ZNF804B: variants seen among roughly 807,000 people sequenced by gnomAD.
The protein encoded by ZNF804B is zinc finger protein 804B.
Under a neutral mutation model 101.4 loss-of-function variants are expected in ZNF804B, and 80 were observed. The observed-to-expected ratio is 0.79, with a 90% CI of 0.66 to 0.95. ZNF804B has a LOEUF of 0.95. Ranked by LOEUF, ZNF804B falls within the 40% of genes least tolerant of loss-of-function variation. The pLI, the probability that ZNF804B is intolerant of heterozygous loss-of-function variation, is 0.00. For synonymous variants in ZNF804B, 622 were observed against 558.8 expected (o/e 1.11, Z -1.59); for missense variants, 1,673 against 1,561.9 (o/e 1.07, Z -1.20).
chr7:89,055,248 T>TTGGAAAGTGAAGACAAGAATGG (rs929837588), intron 1 of ZNF804B, among the ~76,000 whole-genome samples: 1 of 151,992 alleles, frequency 6.6e-6, no homozygotes, highest in Non-Finnish European at 1.5e-5. Flanking sequence ...TGACTGGAAC[T>TTGGAAAGTGAAGACAAGAATGG]TGGAAAGTGA....
chr7:89,179,880 A>G (rs866915356), intron 1 of ZNF804B, among the ~76,000 whole-genome samples: 2 of 152,200 alleles, frequency 1.3e-5, no homozygotes, highest in Non-Finnish European at 2.9e-5. Context: ...AAGCCCAGTA[A>G]CACTGTGACT....
intron 2 of ZNF804B, among the ~76,000 whole-genome samples, chr7:89,312,479 T>G (rs1052725435): frequency 1.3e-4 from 20 of 152,126 alleles, no homozygotes; most frequent in African/African-American, 4.8e-4. Flanking sequence ...CACACCAGAG[T>G]AATTTCTTCT....
chr7:88,817,458 G>A (rs1207574980), intron 1 of ZNF804B, among the ~76,000 whole-genome samples: 1 of 152,094 alleles, frequency 6.6e-6, no homozygotes, highest in Admixed American at 6.6e-5. Flanking sequence ...CAACCTAATG[G>A]CTCTATGGTG....
At chr7:88,829,953 C>T (rs1450582929) in intron 1 of ZNF804B, among the ~76,000 whole-genome samples, 1 of 152,042 alleles carries the variant, frequency 6.6e-6, no homozygotes, top group East Asian at 1.9e-4. Context: ...CATTTCTAAA[C>T]CATTTATTTC....
At chr7:89,179,428 T>C (rs1788262589) in intron 1 of ZNF804B, among the ~76,000 whole-genome samples, 1 of 152,202 alleles carries the variant, frequency 6.6e-6, no homozygotes, top group Admixed American at 6.5e-5. Context: ...ATTGAGAGAC[T>C]CTGATGCATT....
At chr7:89,296,749 A>G (rs1373437070) in intron 2 of ZNF804B, among the ~76,000 whole-genome samples, 2 of 152,056 alleles carry the variant, frequency 1.3e-5, no homozygotes, top group Non-Finnish European at 2.9e-5. Flanking sequence ...TAAATTTTTA[A>G]AAAGAGCCAG....
chr7:89,124,853 T>C (rs1181445311), intron 1 of ZNF804B, among the ~76,000 whole-genome samples: 3 of 152,028 alleles, frequency 2.0e-5, no homozygotes, highest in Non-Finnish European at 4.4e-5. Context: ...ATGAAAATAT[T>C]GGGAGTAGTC....
intron 1 of ZNF804B, among the ~76,000 whole-genome samples, chr7:88,935,710 AT>A (rs1329011455): frequency 6.6e-6 from 1 of 151,962 alleles, no homozygotes; most frequent in Non-Finnish European, 1.5e-5. Context: ...CAAGGAGAAA[AT>A]TAAATATATG....
intron 1 of ZNF804B, among the ~76,000 whole-genome samples, chr7:89,200,079 C>T (rs1160008623): frequency 6.6e-6 from 1 of 151,458 alleles, no homozygotes; most frequent in African/African-American, 2.4e-5. Context: ...ATCATTAGAA[C>T]CATTCTGTGA....
intron 2 of ZNF804B, among the ~76,000 whole-genome samples, chr7:89,310,646 C>T (rs1338114885): frequency 1.3e-5 from 2 of 152,142 alleles, no homozygotes; most frequent in Non-Finnish European, 2.9e-5. Context: ...CAGCAGGCAT[C>T]GCTGACCCTA....
At chr7:88,855,838 C>A (rs1301972914) in intron 1 of ZNF804B, among the ~76,000 whole-genome samples, 3 of 152,158 alleles carry the variant, frequency 2.0e-5, no homozygotes, top group Non-Finnish European at 4.4e-5. Flanking sequence ...GCCAGTTTTC[C>A]CAGCACCATT....
chr7:89,072,511 C>T (rs568460257), intron 1 of ZNF804B, among the ~76,000 whole-genome samples: 19 of 152,222 alleles, frequency 1.2e-4, no homozygotes, highest in African/African-American at 4.6e-4. Context: ...ACTATCTCAT[C>T]CAATCTGAGC....
At chr7:88,872,016 T>C in intron 1 of ZNF804B, among the ~76,000 whole-genome samples, 1 of 152,074 alleles carries the variant, frequency 6.6e-6, no homozygotes, top group East Asian at 1.9e-4. Context: ...GTAGGAAATT[T>C]TATGATTTTC....
At chr7:89,001,695 T>G (rs1372221497) in intron 1 of ZNF804B, among the ~76,000 whole-genome samples, 1 of 151,968 alleles carries the variant, frequency 6.6e-6, no homozygotes, top group Non-Finnish European at 1.5e-5. Context: ...AACTGTATGA[T>G]GATTAGGGCT....
At chr7:89,100,435 C>A (rs1211398217) in intron 1 of ZNF804B, among the ~76,000 whole-genome samples, 1 of 152,056 alleles carries the variant, frequency 6.6e-6, no homozygotes, top group East Asian at 1.9e-4. Context: ...CCCAAAAACA[C>A]AGGCAGCCAA....
At chr7:88,804,301 T>C (rs1790652254) in intron 1 of ZNF804B, among the ~76,000 whole-genome samples, 1 of 152,096 alleles carries the variant, frequency 6.6e-6, no homozygotes, top group African/African-American at 2.4e-5. Flanking sequence ...TCCTAGGTTT[T>C]TACCTATTAA....
At chr7:89,088,681 G>A (rs1789841117) in intron 1 of ZNF804B, among the ~76,000 whole-genome samples, 1 of 143,984 alleles carries the variant, frequency 6.9e-6, no homozygotes, top group Admixed American at 7.0e-5. Context: ...CTCTTGTTTG[G>A]GAGCAAACCC....
Position 89,327,473 on chromosome 7 carries a change from T to C in ZNF804B, c.379T>C (p.Cys127Arg). The C allele has an allele frequency of 6.2e-7, 1 of 1,609,240 alleles. No homozygotes were observed. The highest frequency in any genetic ancestry group is 2.2e-5 in the East Asian group (1 of 44,622). Residue 127 changes from cysteine (C) to arginine (R), a missense_variant and splice_region_variant, in exon 3 of 4, where the codon TGT becomes CGT. Physicochemically the swap from Cys to Arg is radical, Grantham distance 180 (BLOSUM62 -3). Coordinates refer to ENST00000333190, the MANE Select transcript of ZNF804B (RefSeq NM_181646.5). ...QLAELRQQSE[C>R]VSGNGPAYKA... ...GGCTGAGTTAAGGCAGCAATCTGAA[T>C]GGTAAGAATTAAAGGTGTCTGGGAT... is the stretch of plus-strand genomic sequence containing the variant.
At chr7:88,871,892 C>T (rs1487891294) in intron 1 of ZNF804B, among the ~76,000 whole-genome samples, 1 of 151,908 alleles carries the variant, frequency 6.6e-6, no homozygotes, top group African/African-American at 2.4e-5. Flanking sequence ...TGCTTCAACC[C>T]GGGAAGTGGA....
Sources: allele counts gnomAD v4.1 joint callset (sites outside exome capture counted in the v4.1 genomes callset), GRCh38; gene constraint gnomAD v4.1.1; transcripts MANE v1.5; gene names NCBI Gene and HGNC (gene_info 2026-07-23, HGNC 2026-07-21).